Variants in DPH6 observed in about 807,000 individuals in gnomAD.
DPH6 encodes the protein diphthine--ammonia ligase.
DPH6 carries 33 observed loss-of-function variants against 38.2 expected under a neutral mutation model. The ratio of observed to expected loss-of-function variants is 0.86; its 90% CI spans 0.65 to 1.15. The LOEUF (loss-of-function observed/expected upper bound fraction) is 1.15. DPH6 is among the 50% of genes most tolerant of loss of function. DPH6 has a pLI of 0.00. For synonymous variants in DPH6, 108 were observed against 103.0 expected (o/e 1.05, Z -0.30); for missense variants, 325 against 320.0 (o/e 1.02, Z -0.12).
chr15:35,531,806 T>C (rs966894411), intron 3 of DPH6, among the ~76,000 whole-genome samples: 1 of 152,266 alleles, frequency 6.6e-6, no homozygotes. Flanking sequence ...TTTACTAAAC[T>C]TATTCTTTTA....
chr15:35,511,855 A>T (rs1236510690), intron 3 of DPH6, among the ~76,000 whole-genome samples: 1 of 152,200 alleles, frequency 6.6e-6, no homozygotes, highest in Non-Finnish European at 1.5e-5. Context: ...GCAAAGTCTA[A>T]ATAATGATTT....
At chr15:35,342,726 A>G (rs560131487) in intron 3 of DPH6, among the ~76,000 whole-genome samples, 3 of 152,328 alleles carry the variant, frequency 2.0e-5, no homozygotes, top group Admixed American at 1.3e-4. Flanking sequence ...AAAATGTTCA[A>G]TATTTTCCTG....
intron 3 of DPH6, among the ~76,000 whole-genome samples, chr15:35,498,849 G>A (rs1473786743): frequency 6.7e-6 from 1 of 150,166 alleles, no homozygotes; most frequent in Non-Finnish European, 1.5e-5. Flanking sequence ...TGCTCAAGTC[G>A]GTAATCCCAG....
intron 5 of DPH6, among the ~76,000 whole-genome samples, chr15:35,450,147 A>G (rs1009059871): frequency 2.0e-5 from 3 of 152,120 alleles, no homozygotes; most frequent in Non-Finnish European, 2.9e-5. Flanking sequence ...TATGCTAACT[A>G]ATCAGATAAC....
intron 3 of DPH6, among the ~76,000 whole-genome samples, chr15:35,464,024 G>A (rs1356553105): frequency 1.3e-5 from 2 of 152,140 alleles, no homozygotes; most frequent in Non-Finnish European, 2.9e-5. Context: ...GGCTGGGCGT[G>A]GTGGCTCACA....
In DPH6 at chr15:35,448,794, A is replaced by G. The variant is rs192245575; in HGVS notation, c.505+1891T>C. Among the ~76,000 whole-genome samples, 1,256 of 152,244 alleles carry G rather than the reference A, an allele frequency of 8.2e-3. 18 individuals are homozygous for G. The highest frequency in any genetic ancestry group is 0.029 in the African/African-American group (1,202 of 41,570). On this transcript the variant is annotated intron_variant, in intron 5 of 8. Transcript: ENST00000256538. Reference sequence around the variant, plus strand: ...GTCCCTTAAAACATTATAATGAAACAAAGAAGCCAGAAATTTTATGAGTTC... The same window carrying G: ...GTCCCTTAAAACATTATAATGAAACGAAGAAGCCAGAAATTTTATGAGTTC...
intron 3 of DPH6, among the ~76,000 whole-genome samples, chr15:35,348,964 T>C (rs2052485569): frequency 6.6e-6 from 1 of 152,192 alleles, no homozygotes. Flanking sequence ...TTGCTGATAA[T>C]GTACAGAAAT....
At chr15:35,520,777 T>G (rs2054912935) in intron 3 of DPH6, 44 of 984,718 alleles carry the variant, frequency 4.5e-5, no homozygotes, top group Non-Finnish European at 5.2e-5. Context: ...AAATCCTCCA[T>G]TAATGTATAT....
At chr15:35,182,350 T>G in the DPH6 span, among the ~76,000 whole-genome samples, 2 of 151,050 alleles carry the variant, frequency 1.3e-5, no homozygotes, top group African/African-American at 2.4e-5. Context: ...AAAAGTAATG[T>G]GCAATTCTGG....
At chr15:35,379,188 T>A (rs771549810) in intron 7 of DPH6, among the ~76,000 whole-genome samples, 34 of 152,326 alleles carry the variant, frequency 2.2e-4, no homozygotes, top group Admixed American at 5.2e-4. Flanking sequence ...AGGATCCTCA[T>A]GATTACATTG....
intron 3 of DPH6, among the ~76,000 whole-genome samples, chr15:35,501,088 T>A (rs1291017405): frequency 1.3e-5 from 2 of 152,198 alleles, no homozygotes; most frequent in African/African-American, 4.8e-5. Context: ...TGATTATATA[T>A]TTTATGAATT....
chr15:35,381,103 G>T (rs369061480), intron 7 of DPH6, among the ~76,000 whole-genome samples: 1 of 152,196 alleles, frequency 6.6e-6, no homozygotes, highest in East Asian at 1.9e-4. Flanking sequence ...TTAAGTCTTA[G>T]TGTTAGAAAT....
intron 3 of DPH6, among the ~76,000 whole-genome samples, chr15:35,306,654 C>T (rs1392191813): frequency 6.6e-6 from 1 of 152,212 alleles, no homozygotes; most frequent in Non-Finnish European, 1.5e-5. Context: ...CCTTTTGGGG[C>T]CTTACATAAC....
At chr15:35,391,263 C>G (rs1036810802) in intron 6 of DPH6, among the ~76,000 whole-genome samples, 3 of 152,168 alleles carry the variant, frequency 2.0e-5, no homozygotes, top group Non-Finnish European at 2.9e-5. Context: ...CTGGGGGGTG[C>G]CTCCCAGTTA....
rs560613531 is a variant in DPH6, at chr15:35,494,781, A to G, written c.313-39961T>C. ...TGTGTGTGAATTTCAAAGTCCACTC[A>G]TGATTTTTTTTTTAAAAAAAAACTT... is the stretch of plus-strand genomic sequence containing the variant. On this transcript the variant is annotated intron_variant, in intron 3 of 8. Coordinates refer to ENST00000256538, the MANE Select transcript of DPH6 (RefSeq NM_080650.4). Among the ~76,000 whole-genome samples, 39 of 152,114 alleles carry G rather than the reference A, an allele frequency of 2.6e-4. No homozygotes were observed. In the South Asian group the frequency reaches 7.9e-3, roughly 31 times the overall value.
downstream of DPH6, among the ~76,000 whole-genome samples, chr15:35,327,456 C>T (rs1008308924): frequency 1.3e-5 from 2 of 151,720 alleles, no homozygotes; most frequent in Admixed American, 1.3e-4. Context: ...CACCATTCTC[C>T]TGCCTCAGCC....
At chr15:35,181,997 A>T in the DPH6 span, among the ~76,000 whole-genome samples, 38,466 of 151,862 alleles carry the variant, frequency 0.25, 5,618 homozygotes, top group East Asian at 0.68. Context: ...GATGTATGTA[A>T]TTACTAAAAA....
At chr15:35,436,478 C>CAAACAAACAA (rs1247449769) in intron 5 of DPH6, among the ~76,000 whole-genome samples, 5 of 61,186 alleles carry the variant, frequency 8.2e-5, no homozygotes, top group African/African-American at 2.8e-4. Context: ...ACAAAACAAA[C>CAAACAAACAA]AAAAACAAAA....
chr15:35,237,214 T>G, intron 3 of DPH6: 1 of 904,860 alleles, frequency 1.1e-6, no homozygotes, highest in Non-Finnish European at 1.8e-6. Flanking sequence ...CCGGGGGTGC[T>G]GGGGGCTCGA....
Sources: gnomAD v4.1 joint callset for allele counts (sites outside exome capture counted in the v4.1 genomes callset) on GRCh38, gnomAD v4.1.1 for gene constraint, MANE v1.5 for transcripts, NCBI Gene and HGNC (gene_info 2026-07-23, HGNC 2026-07-21) for gene names.